The following MTOR variants were observed in gnomAD, a reference collection of about 807,000 sequenced individuals.
The protein encoded by MTOR is serine/threonine-protein kinase mTOR.
MTOR carries 70 observed loss-of-function variants against 319.8 expected under a neutral mutation model. The ratio of observed to expected loss-of-function variants is 0.22; its 90% CI spans 0.18 to 0.27. The LOEUF (loss-of-function observed/expected upper bound fraction) is 0.27. Ranked by LOEUF, MTOR falls within the 10% of genes least tolerant of loss-of-function variation. MTOR has a pLI of 1.00. For missense variants in MTOR, 1,890 were observed against 3,274.4 expected (o/e 0.58, Z 10.32); for synonymous variants, 1,183 against 1,211.4 (o/e 0.98, Z 0.49).
chr1:11,150,271 A>C, intron 30 of MTOR, 45 bp from the exon 31 acceptor site: 1 of 1,536,488 alleles, frequency 6.5e-7, no homozygotes, highest in Non-Finnish European at 8.9e-7. Context: ...AAATCTCCTT[A>C]AACTACCAAT....
At chr1:11,232,989 AAGC>A in intron 15 of MTOR, 2 of 876,802 alleles carry the variant, frequency 2.3e-6, no homozygotes, top group Admixed American at 3.4e-5. Flanking sequence ...TTTCAGAATT[AAGC>A]AATTCCTGGC....
chr1:11,112,151 C>T (rs1159696544), intron 54 of MTOR, among the ~76,000 whole-genome samples: 5 of 152,158 alleles, frequency 3.3e-5, no homozygotes, highest in South Asian at 4.1e-4. Context: ...CTGTGAGTCG[C>T]GCTCCTAGAA....
intron 6 of MTOR, among the ~76,000 whole-genome samples, chr1:11,249,857 T>C (rs1649375306): frequency 1.3e-5 from 2 of 151,296 alleles, no homozygotes; most frequent in African/African-American, 2.4e-5. Flanking sequence ...TTTCTCAATC[T>C]TTTCCCCACC....
At chr1:11,181,517 T>G (rs1645145670) in intron 28 of MTOR, among the ~76,000 whole-genome samples, 1 of 151,992 alleles carries the variant, frequency 6.6e-6, no homozygotes. Context: ...AGAGCCAGAC[T>G]CCATCTCAAA....
intron 25 of MTOR, among the ~76,000 whole-genome samples, chr1:11,208,588 T>A (rs1365274099): frequency 6.6e-6 from 1 of 152,206 alleles, no homozygotes; most frequent in African/African-American, 2.4e-5. Flanking sequence ...ACCAGAAACA[T>A]GAAAGACTAA....
intron 2 of MTOR, among the ~76,000 whole-genome samples, chr1:11,258,940 A>T (rs1273096574): frequency 6.6e-6 from 1 of 152,184 alleles, no homozygotes; most frequent in Non-Finnish European, 1.5e-5. Context: ...AACCCATCCC[A>T]ATCACTGTTA....
intron 5 of MTOR, among the ~76,000 whole-genome samples, chr1:11,255,697 T>G (rs577871499): frequency 6.6e-6 from 1 of 151,990 alleles, no homozygotes; most frequent in South Asian, 2.1e-4. Flanking sequence ...TTACAAAAAT[T>G]AGCTGGGCGT....
intron 20 of MTOR, among the ~76,000 whole-genome samples, 153 bp downstream of exon 20, chr1:11,215,995 C>G (rs543029112): frequency 6.6e-6 from 1 of 152,204 alleles, no homozygotes; most frequent in East Asian, 1.9e-4. Context: ...CCTTCCTCCC[C>G]CTCAAAATCC....
At chr1:11,164,425 C>A (rs1005337667) in intron 29 of MTOR, among the ~76,000 whole-genome samples, 4 of 151,442 alleles carry the variant, frequency 2.6e-5, no homozygotes, top group Admixed American at 2.0e-4. Context: ...CACCACCGAT[C>A]CCACAGAAAT....
intron 1 of MTOR, among the ~76,000 whole-genome samples, chr1:11,260,644 A>G (rs1650990014): frequency 6.6e-6 from 1 of 152,140 alleles, no homozygotes; most frequent in Admixed American, 6.5e-5. Context: ...GGTGAAATTA[A>G]TTACCTAAAC....
chr1:11,219,292 A>T (rs1646580704), intron 19 of MTOR, among the ~76,000 whole-genome samples: 1 of 146,156 alleles, frequency 6.8e-6, no homozygotes, highest in Admixed American at 6.8e-5. Flanking sequence ...ATGGTGAGTT[A>T]AAAAAAAAAA....
In MTOR at chr1:11,247,882, T is replaced by G; in HGVS notation, c.1053A>C (p.Pro351=). 1 of 1,614,168 alleles carries G rather than the reference T, an allele frequency of 6.2e-7. No homozygotes were observed. Among genetic ancestry groups the G allele is most frequent in the South Asian group, 1.1e-5 (1 of 91,078 alleles). ...GGCTCTCCACCAGGGTGGACTTAGCTGGACTGGGGGAGGTCCCAAATCCCA... is the reference window on the plus strand; with the variant it reads ...GGCTCTCCACCAGGGTGGACTTAGCGGGACTGGGGGAGGTCCCAAATCCCA... ...GLMGFGTSPS[P]AKSTLVESRC... is the part of the protein sequence containing the mutation. Residue 351 remains proline (P), a synonymous_variant, in exon 7 of 58, where the codon CCA becomes CCC. Transcript: ENST00000361445.
At position 11,240,430 on chromosome 1, in the gene MTOR, G is replaced by C; in HGVS notation, c.1659C>G (p.Arg553=). The change falls in exon 11 of 58, where the codon CGC becomes CGG. Residue 553 remains arginine (R), a synonymous_variant. Transcript: ENST00000361445. The part of the protein sequence containing the change: ...LSLVLMHKPL[R]HPGMPKGLAH... ...CCAGGCCCTTGGGCATGCCTGGGTGGCGAAGGGGTTTGTGCATAAGGACCA... is the reference window on the plus strand; with the variant it reads ...CCAGGCCCTTGGGCATGCCTGGGTGCCGAAGGGGTTTGTGCATAAGGACCA... 1.2e-6 allele frequency: 2 copies of C among 1,614,270 alleles called. No homozygotes were observed. Among genetic ancestry groups the C allele is most frequent in the South Asian group, 2.2e-5 (2 of 91,088 alleles).
Position 11,212,718 on chromosome 1 carries a change from C to T in MTOR, c.3398+78G>A. ...ATAACAAAAAAAATAGAAAGATGGC[C>T]TGGGAACTTAAGAAATGAACATTTT... On this transcript the variant is annotated intron_variant, in intron 22 of 57. Transcript: ENST00000361445. This position sits in a 1 kb window ranked among gnomAD's most constrained non-coding sequence, Gnocchi z 4.1. 1 of 1,306,922 alleles carries T rather than the reference C, an allele frequency of 7.7e-7. No homozygotes were observed. Among genetic ancestry groups the T allele is most frequent in the Non-Finnish European group, 1.1e-6 (1 of 916,386 alleles). 81.0% of individuals were successfully genotyped at this position (1,306,922 alleles called of 1,614,324 possible).
intron 13 of MTOR, among the ~76,000 whole-genome samples, chr1:11,237,496 T>C (rs1303096716): frequency 1.3e-5 from 2 of 151,722 alleles, no homozygotes; most frequent in Non-Finnish European, 2.9e-5. Flanking sequence ...AGCTGAAGGA[T>C]AGGGAGGCGC....
At chr1:11,111,936 A>G (rs1376393258) in intron 54 of MTOR, among the ~76,000 whole-genome samples, 1 of 144,134 alleles carries the variant, frequency 6.9e-6, no homozygotes, top group Non-Finnish European at 1.5e-5. Flanking sequence ...GGAGGGCTAA[A>G]CAAAGTTAAA....
In MTOR at chr1:11,128,824, G is replaced by A. The variant is rs1026244563; in HGVS notation, c.5811+31C>T. 1 of 1,565,446 alleles carries A rather than the reference G, an allele frequency of 6.4e-7. No individual in the cohort carries two copies. Among genetic ancestry groups the A allele is most frequent in the Non-Finnish European group, 8.8e-7 (1 of 1,137,880 alleles). ...GAGACACACAGAAGAGAGACTTGGAGCCACCTTCACCTGTAACCAAGTATC... is the reference window on the plus strand; with the variant it reads ...GAGACACACAGAAGAGAGACTTGGAACCACCTTCACCTGTAACCAAGTATC... On this transcript the variant is annotated intron_variant, in intron 41 of 57. Transcript: ENST00000361445. This position sits in a 1 kb window ranked among gnomAD's most constrained non-coding sequence, Gnocchi z 5.3.
rs1642063612 is a variant in MTOR at position 11,114,555 on chromosome 1, A to G, written c.7165-102T>C. 3 of 1,490,850 alleles carry G rather than the reference A, an allele frequency of 2.0e-6. No individual in the cohort carries two copies. In the African/African-American group the frequency reaches 4.1e-5, roughly 21 times the overall value. 92.4% of individuals were successfully genotyped at this position (1,490,850 alleles called of 1,614,324 possible). A position where few individuals can be genotyped will look rare whatever the true frequency, so the allele number is the denominator to read the frequency against. ...CTCACTTAGGAAGCAGACACAGGCC[A>G]TGTTGACGTATCAGGGTGAGAATGT... On this transcript the variant is annotated intron_variant, in intron 52 of 57. Coordinates refer to ENST00000361445, the MANE Select transcript of MTOR (RefSeq NM_004958.4).
At chr1:11,171,412 G>C (rs371216314) in intron 28 of MTOR, among the ~76,000 whole-genome samples, 16 of 151,862 alleles carry the variant, frequency 1.1e-4, no homozygotes, top group Non-Finnish European at 1.8e-4. Context: ...CTCCCAAACT[G>C]CTGGGATGAC....
Sources: allele counts gnomAD v4.1 joint callset (sites outside exome capture counted in the v4.1 genomes callset), GRCh38; gene constraint gnomAD v4.1.1; non-coding constraint Gnocchi (gnomAD v3.1); transcripts MANE v1.5; gene names NCBI Gene and HGNC (gene_info 2026-07-23, HGNC 2026-07-21).